Variants in ZNF804B observed in about 807,000 individuals in gnomAD.
ZNF804B encodes zinc finger 804B.
Under a neutral mutation model 101.4 loss-of-function variants are expected in ZNF804B, and 80 were observed. The observed-to-expected ratio is 0.79, with a 90% confidence interval of 0.66 to 0.95. The LOEUF is 0.95. Among genes scored for constraint, ZNF804B ranks in the 40% least tolerant of loss-of-function variants. The pLI is 0.00. For missense variants in ZNF804B, 1,673 were observed against 1,561.9 expected, an observed-to-expected ratio of 1.07 and a Z score of -1.20; for synonymous variants, 622 against 558.8, an observed-to-expected ratio of 1.11 and a Z score of -1.59.
intron 1 of ZNF804B, among the ~76,000 whole-genome samples, chr7:88,877,041 ATATATATATTT>A: frequency 2.3e-5 from 1 of 43,968 alleles, no homozygotes; most frequent in South Asian, 7.7e-4. Flanking sequence ...ATATATATAT[ATATATATATTT>A]TTTTTTTTTT....
chr7:88,892,081 C>A (rs1792222615), intron 1 of ZNF804B, among the ~76,000 whole-genome samples: 2 of 152,112 alleles, frequency 1.3e-5, no homozygotes, highest in African/African-American at 4.8e-5. Flanking sequence ...TGTGTTACCT[C>A]CAGCCACCCT....
intron 1 of ZNF804B, among the ~76,000 whole-genome samples, chr7:89,002,001 A>G (rs1264911866): frequency 6.6e-6 from 1 of 151,636 alleles, no homozygotes; most frequent in Non-Finnish European, 1.5e-5. Flanking sequence ...TGACCCTTAG[A>G]TGTTGAAACA....
chr7:88,977,136 A>G (rs1793627083), intron 1 of ZNF804B, among the ~76,000 whole-genome samples: 1 of 151,604 alleles, frequency 6.6e-6, no homozygotes, highest in Admixed American at 6.6e-5. Context: ...TTGGTTTGCT[A>G]GTATTTTGTA....
chr7:89,334,944 C>A lies in ZNF804B; in HGVS notation c.1962C>A (p.Phe654Leu). The change falls in exon 4 of 4, where the codon TTC becomes TTA. Residue 654 changes from phenylalanine to leucine, a missense_variant. By Grantham distance (22) the Phe-to-Leu change is conservative. Coordinates refer to ENST00000333190, the MANE Select transcript of ZNF804B (RefSeq NM_181646.5). The stretch of plus-strand genomic sequence containing the variant: ...TGGAATTTGAAGATGAAAGACAATT[C>A]AACTGCAAGTCCAGTCCTTGTACAG... ...PHLEFEDERQ[F>L]NCKSSPCTVG... is the part of the protein sequence containing the mutation. The A allele has an allele frequency of 6.2e-7, 1 of 1,613,884 alleles. No homozygotes were observed. The highest frequency in any genetic ancestry group is 8.5e-7 in the Non-Finnish European group (1 of 1,179,898).
At chr7:88,869,953 A>G (rs1006053691) in intron 1 of ZNF804B, among the ~76,000 whole-genome samples, 3 of 152,212 alleles carry the variant, frequency 2.0e-5, no homozygotes, top group Admixed American at 6.5e-5. Flanking sequence ...TAGCAATTTT[A>G]AGAAGAAATG....
intron 2 of ZNF804B, among the ~76,000 whole-genome samples, chr7:89,296,153 A>G (rs1200416928): frequency 6.6e-6 from 1 of 152,156 alleles, no homozygotes; most frequent in Admixed American, 6.5e-5. Flanking sequence ...TGAAACAAAA[A>G]TAAATACATA....
chr7:89,177,132 G>T (rs1349278301), intron 1 of ZNF804B, among the ~76,000 whole-genome samples: 1 of 151,904 alleles, frequency 6.6e-6, no homozygotes, highest in Non-Finnish European at 1.5e-5. Flanking sequence ...TTTCTGCTCT[G>T]ATTTATATTT....
Position 89,274,147 on chromosome 7 carries a change from ATTTTATTTTC to A in ZNF804B, c.250-53192_250-53183del, listed in dbSNP as rs1379988173. ...ATTCTTTTTTTTTTCTTTTTATTTT[ATTTTATTTTC>A]TTTTTCTTTTTTTTTATTATACTTT... On this transcript the variant is annotated intron_variant, in intron 2 of 3. Transcript: ENST00000333190. Among the ~76,000 whole-genome samples, 3 of 135,682 alleles carry A rather than the reference ATTTTATTTTC, an allele frequency of 2.2e-5. 1 individual carries two copies. The highest frequency in any genetic ancestry group is 8.1e-5 in the African/African-American group (3 of 37,146). The allele number at this position is 135,682 out of a possible 152,430, so 89.0% of individuals were successfully genotyped here.
intron 1 of ZNF804B, among the ~76,000 whole-genome samples, chr7:89,192,621 G>A (rs1189398418): frequency 2.0e-5 from 3 of 151,850 alleles, no homozygotes; most frequent in Non-Finnish European, 4.4e-5. Context: ...CCAGAAAATT[G>A]GGAAGGAAGG....
At chr7:89,120,683 C>T (rs1032864954) in intron 1 of ZNF804B, among the ~76,000 whole-genome samples, 2 of 134,672 alleles carry the variant, frequency 1.5e-5, no homozygotes, top group African/African-American at 5.7e-5. Flanking sequence ...AATTAAAAAT[C>T]CAAAAATCTA....
chr7:89,035,851 C>T (rs928428585), intron 1 of ZNF804B, among the ~76,000 whole-genome samples: 28 of 146,002 alleles, frequency 1.9e-4, no homozygotes, highest in Admixed American at 1.5e-3. Flanking sequence ...TATTTGCAGT[C>T]ATTCCAAATA....
At chr7:88,839,357 T>C (rs1049752159) in intron 1 of ZNF804B, among the ~76,000 whole-genome samples, 2 of 151,986 alleles carry the variant, frequency 1.3e-5, no homozygotes, top group Non-Finnish European at 2.9e-5. Context: ...ATAAATTCGT[T>C]ATGTTATCTG....
At chr7:89,023,757 C>T (rs1188016634) in intron 1 of ZNF804B, among the ~76,000 whole-genome samples, 5 of 152,164 alleles carry the variant, frequency 3.3e-5, no homozygotes, top group Non-Finnish European at 5.9e-5. Flanking sequence ...CATTAAATAT[C>T]TTTCATCTCT....
chr7:89,114,105 G>GA (rs1220255576), intron 1 of ZNF804B, among the ~76,000 whole-genome samples: 2 of 151,752 alleles, frequency 1.3e-5, no homozygotes, highest in East Asian at 1.9e-4. Flanking sequence ...AAAAAATAAA[G>GA]AAAAAAATAT....
chr7:89,227,714 A>T (rs1789117007), intron 2 of ZNF804B, among the ~76,000 whole-genome samples: 1 of 152,116 alleles, frequency 6.6e-6, no homozygotes, highest in South Asian at 2.1e-4. Flanking sequence ...TGAGAGAGAG[A>T]GAGTGTTCCA....
chr7:88,950,248 A>C (rs1209545788), intron 1 of ZNF804B, among the ~76,000 whole-genome samples: 1 of 151,958 alleles, frequency 6.6e-6, no homozygotes, highest in Admixed American at 6.6e-5. Flanking sequence ...TTATCTATCT[A>C]AATTGTTTAT....
In ZNF804B at chr7:89,166,665, A is replaced by G. The variant is rs551617434; in HGVS notation, c.109-51490A>G. ...GAGCATCACTACTGGTGCTTTATGT[A>G]AGTCCCATAGCGTTATTTAAGGTTT... On this transcript the variant is annotated intron_variant, in intron 1 of 3. Transcript: ENST00000333190. 2.0e-5 allele frequency among the ~76,000 whole-genome samples: 3 copies of G among 152,328 alleles called. No homozygotes were observed. In the South Asian group the frequency reaches 6.2e-4, roughly 32 times the overall value.
chr7:88,988,760 T>C (rs2116148503), intron 1 of ZNF804B, among the ~76,000 whole-genome samples: 1 of 152,174 alleles, frequency 6.6e-6, no homozygotes, highest in East Asian at 1.9e-4. Flanking sequence ...AGTATCTCTA[T>C]AGGGAGAAGG....
At chr7:89,276,087 A>C (rs759290355) in intron 2 of ZNF804B, among the ~76,000 whole-genome samples, 1 of 151,916 alleles carries the variant, frequency 6.6e-6, no homozygotes, top group Non-Finnish European at 1.5e-5. Context: ...CAAACACCAT[A>C]TATTTTCATG....
Sources: gnomAD v4.1 joint callset for allele counts (sites outside exome capture counted in the v4.1 genomes callset) on GRCh38, gnomAD v4.1.1 for gene constraint, MANE v1.5 for transcripts, NCBI Gene and HGNC (gene_info 2026-07-23, HGNC 2026-07-21) for gene names.